Variants in ATAD2B observed in about 807,000 individuals in gnomAD.
The protein encoded by ATAD2B is ATPase family AAA domain containing 2B, also known as ATPase family AAA domain-containing protein 2B.
Under a neutral mutation model 167.6 loss-of-function variants are expected in ATAD2B, and 40 were observed. The ratio of observed to expected loss-of-function variants is 0.24; its 90% CI spans 0.19 to 0.31. ATAD2B has a LOEUF of 0.31. Among genes scored for constraint, ATAD2B ranks in the 10% least tolerant of loss-of-function variants. The probability of loss-of-function intolerance (pLI) is 1.00; values close to 1 mark genes in which losing one functional copy is unlikely to be tolerated. For missense variants in ATAD2B, 1,242 were observed against 1,757.2 expected (o/e 0.71, Z 5.24); for synonymous variants, 579 against 596.5 (o/e 0.97, Z 0.43).
chr2:23,886,059 C>T (rs1558733298), intron 4 of ATAD2B, among the ~76,000 whole-genome samples: 1 of 152,112 alleles, frequency 6.6e-6, no homozygotes, highest in Non-Finnish European at 1.5e-5. Context: ...ATCCTCCCAC[C>T]TCAGCCTCCC....
Position 23,757,696 on chromosome 2 carries a change from C to T in ATAD2B, c.3800G>A (p.Cys1267Tyr). 6.2e-7 allele frequency: 1 copy of T among 1,612,822 alleles called. No homozygotes were observed. The highest frequency in any genetic ancestry group is 1.1e-5 in the South Asian group (1 of 90,776). ...GTCAGTGGAAGCCTCACCATTTAGA[C>T]AATTTCCTTTAAGGAAAGTCTCTTT... ...SRKETFLKGN[C>Y]LNGEASTDSF... Residue 1267 changes from cysteine to tyrosine, a missense_variant, in exon 25 of 28, where the codon TGT (cysteine) becomes TAT (tyrosine). By Grantham distance (194) the Cys-to-Tyr change is radical (BLOSUM62 -2). Transcript: ENST00000238789.
the ATAD2B span, among the ~76,000 whole-genome samples, chr2:23,727,664 G>A: frequency 6.6e-6 from 1 of 152,106 alleles, no homozygotes; most frequent in African/African-American, 2.4e-5. Flanking sequence ...AAGCAACCAA[G>A]ATATGCTTCA....
chr2:23,725,865 A>T, the ATAD2B span, among the ~76,000 whole-genome samples: 1 of 152,188 alleles, frequency 6.6e-6, no homozygotes, highest in Admixed American at 6.5e-5. Context: ...AAAACCCCAG[A>T]AAATAAGTAT....
At chr2:23,911,452 G>A (rs192729097) in intron 1 of ATAD2B, among the ~76,000 whole-genome samples, 147 of 152,188 alleles carry the variant, frequency 9.7e-4, no homozygotes, top group African/African-American at 3.5e-3. Flanking sequence ...CTACTTGGGA[G>A]GCTGAGGTGG....
chr2:23,864,957 C>T (rs746305856), intron 10 of ATAD2B, 33 bp from the exon 11 acceptor site: 67 of 1,247,152 alleles, frequency 5.4e-5, no homozygotes, highest in Non-Finnish European at 6.8e-5. Flanking sequence ...TGATATCAAA[C>T]AATTTTATAT....
the ATAD2B span, among the ~76,000 whole-genome samples, chr2:23,682,669 T>C: frequency 1.8e-3 from 267 of 152,052 alleles, no homozygotes; most frequent in Non-Finnish European, 2.3e-3. The surrounding 1 kb of genome is among the most constrained non-coding windows in gnomAD (Gnocchi z 4.1). Context: ...CTCGTGCTCC[T>C]GCACCCTCCC....
intron 24 of ATAD2B, 106 bp from the exon 25 acceptor site, chr2:23,758,207 T>C (rs1235820387): frequency 3.3e-6 from 3 of 918,628 alleles, no homozygotes; most frequent in East Asian, 5.3e-5. Flanking sequence ...CATGCTGATG[T>C]AACACACAAA....
At chr2:23,722,747 C>A in the ATAD2B span, among the ~76,000 whole-genome samples, 1 of 152,066 alleles carries the variant, frequency 6.6e-6, no homozygotes, top group Non-Finnish European at 1.5e-5. Flanking sequence ...ACAGATTCAA[C>A]CCAAACAGAT....
intron 16 of ATAD2B, among the ~76,000 whole-genome samples, chr2:23,821,498 T>C (rs1157801096): frequency 6.6e-6 from 1 of 152,236 alleles, no homozygotes; most frequent in Non-Finnish European, 1.5e-5. Flanking sequence ...AAATCAGGTA[T>C]TCCATGTGGT....
intron 22 of ATAD2B, 95 bp from the exon 23 acceptor site, chr2:23,765,723 T>C (rs1677315873): frequency 3.7e-6 from 3 of 803,470 alleles, no homozygotes; most frequent in South Asian, 3.6e-5. Context: ...AACAAAATTA[T>C]AAAAAGCATT....
At position 23,754,223 on chromosome 2, in the gene ATAD2B, T is replaced by C; in HGVS notation, c.4291A>G (p.Ile1431Val). The change falls in exon 27 of 28, where the codon ATC becomes GTC. Residue 1431 changes from isoleucine to valine, a missense_variant. Ile to Val is a conservative substitution (Grantham distance 29, BLOSUM62 3). Transcript: ENST00000238789. The stretch of plus-strand genomic sequence containing the variant: ...TCATAATCTTTACGATGACGGTAGA[T>C]ACACTGACTAAGAAGAGAATATAAT... ...ERLYSLLSQC[I>V]YRHRKDYDKS... 1.3e-6 allele frequency: 2 copies of C among 1,561,412 alleles called. No homozygotes were observed. The highest frequency in any genetic ancestry group is 1.7e-6 in the Non-Finnish European group (2 of 1,151,032).
At chr2:23,718,022 G>T in the ATAD2B span, among the ~76,000 whole-genome samples, 2 of 152,166 alleles carry the variant, frequency 1.3e-5, no homozygotes, top group Non-Finnish European at 2.9e-5. Context: ...AAGAAATGAA[G>T]AAACTTCTGG....
intron 12 of ATAD2B, among the ~76,000 whole-genome samples, chr2:23,860,703 A>G (rs2675351): frequency 0.74 from 111,952 of 152,182 alleles, 41,593 homozygotes; most frequent in East Asian, 0.85. Context: ...GAGCATGGTA[A>G]CTCACGCCTG....
In ATAD2B at chr2:23,875,838, C is replaced by T. The variant is rs771965621; in HGVS notation, c.968G>A (p.Ser323Asn). 2.5e-6 allele frequency: 4 copies of T among 1,607,512 alleles called. No individual in the cohort carries two copies. Among genetic ancestry groups the T allele is most frequent in the Non-Finnish European group, 1.7e-6 (2 of 1,176,252 alleles). The change falls in exon 8 of 28, where the codon AGC (serine) becomes AAC (asparagine). Residue 323 changes from serine (S) to asparagine (N), a missense_variant. Transcript: ENST00000238789. Reference protein sequence around the residue: ...FDIHRSPARRSHIRRKKHAIH... With the variant: ...FDIHRSPARRNHIRRKKHAIH... ...CAAAAACAAACCTTACCTAATATGG[C>T]TTCTTCTTGCTGGAGATCTATGAAT...
chr2:23,741,240 G>A, the ATAD2B span, among the ~76,000 whole-genome samples: 49 of 152,184 alleles, frequency 3.2e-4, no homozygotes, highest in African/African-American at 4.3e-4. Context: ...AGCCTGCATC[G>A]CCAAGTCAAT....
chr2:23,898,607 G>A (rs1434962174), intron 1 of ATAD2B, among the ~76,000 whole-genome samples: 3 of 152,206 alleles, frequency 2.0e-5, no homozygotes, highest in Non-Finnish European at 2.9e-5. Context: ...TTGGTCCATG[G>A]CTGCTCATAT....
the ATAD2B span, chr2:23,695,974 G>A: frequency 1.7e-5 from 27 of 1,551,436 alleles, no homozygotes; most frequent in Non-Finnish European, 2.2e-5. This position sits in a 1 kb window ranked among gnomAD's most constrained non-coding sequence, Gnocchi z 7.6. Flanking sequence ...CATCGTCTTG[G>A]TTGGGGGCCG....
At chr2:23,739,635 A>G in the ATAD2B span, among the ~76,000 whole-genome samples, 2 of 152,216 alleles carry the variant, frequency 1.3e-5, no homozygotes, top group Non-Finnish European at 2.9e-5. Flanking sequence ...ATCACAATTA[A>G]AAGAACTAGA....
chr2:23,874,357 T>C (rs572559735), intron 8 of ATAD2B, among the ~76,000 whole-genome samples: 10 of 152,168 alleles, frequency 6.6e-5, no homozygotes, highest in Admixed American at 2.0e-4. Flanking sequence ...GAGTTGGCAA[T>C]GGATTCTAAG....
Sources: gnomAD v4.1 joint callset for allele counts (sites outside exome capture counted in the v4.1 genomes callset) on GRCh38, gnomAD v4.1.1 for gene constraint, Gnocchi (gnomAD v3.1) non-coding constraint, MANE v1.5 for transcripts, NCBI Gene and HGNC (gene_info 2026-07-23, HGNC 2026-07-21) for gene names.